Variants in DAB1 observed in about 807,000 individuals in gnomAD.
DAB1 encodes the protein DAB adaptor protein 1.
A neutral mutation model predicts 64.6 loss-of-function variants in DAB1; 15 were observed. That is an observed-to-expected ratio of 0.23 (90% confidence interval 0.16 to 0.36). The LOEUF (loss-of-function observed/expected upper bound fraction) is 0.36. DAB1 is among the 10% of genes least tolerant of loss of function. The probability of loss-of-function intolerance (pLI) is 1.00; values close to 1 mark genes in which losing one functional copy is unlikely to be tolerated. For missense variants in DAB1, 596 were observed against 706.7 expected (o/e 0.84, Z 1.78); for synonymous variants, 235 against 251.9 (o/e 0.93, Z 0.64).
intron 11 of DAB1, among the ~76,000 whole-genome samples, chr1:57,020,792 A>G (rs536385875): frequency 6.6e-6 from 1 of 152,334 alleles, no homozygotes; most frequent in South Asian, 2.1e-4. Context: ...TATTGTTGCA[A>G]AGTAAGTATT....
intron 3 of DAB1, among the ~76,000 whole-genome samples, chr1:58,375,164 C>T (rs1245159335): frequency 6.7e-6 from 1 of 149,640 alleles, no homozygotes; most frequent in Non-Finnish European, 1.5e-5. Flanking sequence ...TAATTGAATA[C>T]CCTTTATTTC....
At chr1:57,382,758 C>T (rs1016195786) in intron 1 of DAB1, among the ~76,000 whole-genome samples, 1 of 152,140 alleles carries the variant, frequency 6.6e-6, no homozygotes, top group Non-Finnish European at 1.5e-5. Flanking sequence ...ATTGGTCCAC[C>T]TTGATAATCC....
intron 3 of DAB1, among the ~76,000 whole-genome samples, chr1:58,383,491 T>C (rs1644407386): frequency 2.0e-5 from 3 of 152,202 alleles, no homozygotes; most frequent in Admixed American, 1.3e-4. Context: ...TGATAAATGT[T>C]CTCTGCCAAT....
chr1:57,237,673 A>G (rs1239408572), intron 2 of DAB1, among the ~76,000 whole-genome samples: 1 of 152,226 alleles, frequency 6.6e-6, no homozygotes, highest in East Asian at 1.9e-4. Flanking sequence ...TGAGCCCATC[A>G]ATAGCCTTGT....
chr1:58,466,388 C>T (rs1645296071), intron 3 of DAB1, among the ~76,000 whole-genome samples: 1 of 151,920 alleles, frequency 6.6e-6, no homozygotes, highest in South Asian at 2.1e-4. Flanking sequence ...TTTCCCCTAA[C>T]AGATTTCTTG....
intron 3 of DAB1, among the ~76,000 whole-genome samples, chr1:57,139,624 C>T (rs78591803): frequency 0.023 from 3,518 of 152,234 alleles, 160 homozygotes; most frequent in African/African-American, 0.081. Flanking sequence ...AGGGCTACAC[C>T]TTTGGTCAGG....
At chr1:58,132,300 C>T (rs911447887) in intron 5 of DAB1, among the ~76,000 whole-genome samples, 1 of 152,208 alleles carries the variant, frequency 6.6e-6, no homozygotes, top group Non-Finnish European at 1.5e-5. Flanking sequence ...TGAGGCAATG[C>T]CTCACCCTGC....
intron 5 of DAB1, among the ~76,000 whole-genome samples, chr1:58,016,042 C>A (rs1289250189): frequency 1.3e-5 from 2 of 152,010 alleles, no homozygotes; most frequent in Non-Finnish European, 2.9e-5. Context: ...ATGGTAGAGT[C>A]CAGTAAAATG....
intron 4 of DAB1, among the ~76,000 whole-genome samples, chr1:57,128,414 A>C (rs1199514674): frequency 6.6e-6 from 1 of 152,100 alleles, no homozygotes; most frequent in Non-Finnish European, 1.5e-5. Flanking sequence ...AGCAGAACAG[A>C]GTCAGCAGAT....
At chr1:58,153,266 G>A (rs1409841514) in intron 4 of DAB1, among the ~76,000 whole-genome samples, 1 of 152,090 alleles carries the variant, frequency 6.6e-6, no homozygotes, top group Admixed American at 6.6e-5. Flanking sequence ...GATTTTATAG[G>A]CACTTACTGA....
At chr1:57,997,367 C>T (rs1482691907) in intron 5 of DAB1, among the ~76,000 whole-genome samples, 1 of 152,200 alleles carries the variant, frequency 6.6e-6, no homozygotes, top group Non-Finnish European at 1.5e-5. Flanking sequence ...AGTCAAAGAT[C>T]TAACTGTGCA....
At chr1:57,866,573 T>A (rs1416405546) in intron 1 of DAB1, among the ~76,000 whole-genome samples, 1 of 152,156 alleles carries the variant, frequency 6.6e-6, no homozygotes, top group Non-Finnish European at 1.5e-5. Context: ...CTCAGCATAG[T>A]GTTTTCCAGC....
intron 3 of DAB1, among the ~76,000 whole-genome samples, chr1:58,494,799 G>A (rs1645766614): frequency 1.3e-5 from 2 of 152,180 alleles, no homozygotes; most frequent in Non-Finnish European, 1.5e-5. Flanking sequence ...GGAGAAATAG[G>A]AACACCTTTA....
chr1:58,512,674 T>C (rs1220316584), intron 2 of DAB1, among the ~76,000 whole-genome samples: 1 of 152,212 alleles, frequency 6.6e-6, no homozygotes, highest in Non-Finnish European at 1.5e-5. Context: ...CGATTCCACT[T>C]ACATGTGGTA....
At chr1:57,335,047 G>A (rs931309916) in intron 1 of DAB1, among the ~76,000 whole-genome samples, 5 of 152,066 alleles carry the variant, frequency 3.3e-5, no homozygotes, top group East Asian at 1.9e-4. Context: ...ACCCCACTGC[G>A]GTCCTTTCAA....
At chr1:58,222,613 C>T (rs918659166) in intron 4 of DAB1, among the ~76,000 whole-genome samples, 1 of 152,160 alleles carries the variant, frequency 6.6e-6, no homozygotes, top group African/African-American at 2.4e-5. Context: ...GGAGAAGAAG[C>T]TCAATGTTCA....
chr1:57,548,671 C>T (rs1213372257), intron 7 of DAB1, among the ~76,000 whole-genome samples: 2 of 152,180 alleles, frequency 1.3e-5, no homozygotes, highest in East Asian at 1.9e-4. Flanking sequence ...GCAACTTAGC[C>T]TACCAGATTT....
intron 1 of DAB1, among the ~76,000 whole-genome samples, chr1:57,877,545 ATTTTT>A (rs58070219): frequency 1.5e-5 from 1 of 65,084 alleles, no homozygotes; most frequent in African/African-American, 9.7e-5. Context: ...TAATTGATTT[ATTTTT>A]TTTTTTTTTT....
chr1:57,238,893 A>C (rs947007671), intron 2 of DAB1, among the ~76,000 whole-genome samples: 24 of 147,888 alleles, frequency 1.6e-4, no homozygotes, highest in African/African-American at 4.7e-4. Flanking sequence ...ACACACACAC[A>C]CCCCTAACTT....
Sources: gnomAD v4.1 joint callset for allele counts (sites outside exome capture counted in the v4.1 genomes callset) on GRCh38, gnomAD v4.1.1 for gene constraint, MANE v1.5 for transcripts, NCBI Gene and HGNC (gene_info 2026-07-23, HGNC 2026-07-21) for gene names.